The following ROBO1 variants were observed in gnomAD, a reference collection of about 807,000 sequenced individuals.
ROBO1 encodes roundabout homolog 1.
ROBO1 carries 149 observed loss-of-function variants against 195.9 expected under a neutral mutation model. That is an observed-to-expected ratio of 0.76 (90% confidence interval 0.67 to 0.87). ROBO1 has a LOEUF of 0.87. Among genes scored for constraint, ROBO1 ranks in the 40% least tolerant of loss-of-function variants. ROBO1 has a pLI of 0.00. For missense variants in ROBO1, 1,933 were observed against 2,068.3 expected (o/e 0.93, Z 1.27); for synonymous variants, 816 against 733.2 (o/e 1.11, Z -1.82).
chr3:79,082,974 A>G (rs2079302031), intron 3 of ROBO1, among the ~76,000 whole-genome samples: 1 of 152,186 alleles, frequency 6.6e-6, no homozygotes, highest in Non-Finnish European at 1.5e-5. Flanking sequence ...TGAGGCCTTT[A>G]GGAACGCCTT....
chr3:79,161,445 C>T (rs2080964466), intron 2 of ROBO1, among the ~76,000 whole-genome samples: 1 of 151,762 alleles, frequency 6.6e-6, no homozygotes, highest in African/African-American at 2.4e-5. Context: ...AGAAGAAAAC[C>T]AAATAATAGC....
At chr3:79,452,689 G>T (rs2039483831) in intron 2 of ROBO1, among the ~76,000 whole-genome samples, 2 of 151,980 alleles carry the variant, frequency 1.3e-5, no homozygotes, top group South Asian at 2.1e-4. Context: ...TAAGTATGTA[G>T]ATTTTATATA....
intron 1 of ROBO1, among the ~76,000 whole-genome samples, chr3:79,676,821 A>C (rs552171932): frequency 1.6e-3 from 243 of 152,154 alleles, no homozygotes; most frequent in African/African-American, 5.6e-3. Context: ...ACACCAAGGG[A>C]TGAGAATGAG....
At chr3:79,404,279 G>C (rs2037466168) in intron 2 of ROBO1, among the ~76,000 whole-genome samples, 1 of 152,016 alleles carries the variant, frequency 6.6e-6, no homozygotes, top group Non-Finnish European at 1.5e-5. Flanking sequence ...TATTATCAAG[G>C]CATTTACTTT....
chr3:79,762,575 A>G (rs1373064844), intron 1 of ROBO1, among the ~76,000 whole-genome samples: 1 of 149,836 alleles, frequency 6.7e-6, no homozygotes. Flanking sequence ...AAAAAATAAG[A>G]AAGTGAGAAC....
chr3:79,352,862 G>A (rs1329977712), intron 2 of ROBO1, among the ~76,000 whole-genome samples: 3 of 152,126 alleles, frequency 2.0e-5, no homozygotes, highest in Non-Finnish European at 4.4e-5. Flanking sequence ...TCTTACAAAT[G>A]TGACAGATTC....
At chr3:79,742,425 G>C (rs1443040902) in intron 1 of ROBO1, among the ~76,000 whole-genome samples, 2 of 152,174 alleles carry the variant, frequency 1.3e-5, no homozygotes, top group Admixed American at 6.5e-5. Flanking sequence ...CCGCTTCAGA[G>C]GGTGCAAGCT....
intron 3 of ROBO1, among the ~76,000 whole-genome samples, chr3:78,969,190 T>C (rs564450429): frequency 9.9e-5 from 15 of 152,260 alleles, no homozygotes; most frequent in African/African-American, 2.6e-4. Context: ...TGATAAAATA[T>C]ATGGTTTATT....
intron 2 of ROBO1, among the ~76,000 whole-genome samples, chr3:79,360,300 T>A (rs2035717343): frequency 6.6e-6 from 1 of 152,046 alleles, no homozygotes; most frequent in Non-Finnish European, 1.5e-5. Flanking sequence ...GATGATTTTT[T>A]ATAAAGGGAA....
At chr3:79,341,107 T>A (rs914116436) in intron 2 of ROBO1, among the ~76,000 whole-genome samples, 3 of 152,204 alleles carry the variant, frequency 2.0e-5, no homozygotes, top group Non-Finnish European at 4.4e-5. Flanking sequence ...GACGAGGTCA[T>A]AGAAAACCAG....
At chr3:79,357,256 G>A (rs1036224094) in intron 2 of ROBO1, among the ~76,000 whole-genome samples, 1 of 152,026 alleles carries the variant, frequency 6.6e-6, no homozygotes, top group African/African-American at 2.4e-5. Flanking sequence ...AGTTACTTTG[G>A]ATTTACAAAG....
At chr3:79,158,445 T>C (rs535103706) in intron 2 of ROBO1, among the ~76,000 whole-genome samples, 1 of 151,804 alleles carries the variant, frequency 6.6e-6, no homozygotes, top group South Asian at 2.1e-4. Context: ...TATTATGTCA[T>C]ATATTATCAC....
intron 3 of ROBO1, among the ~76,000 whole-genome samples, chr3:79,065,484 A>G (rs763590620): frequency 1.3e-5 from 2 of 151,980 alleles, no homozygotes; most frequent in Non-Finnish European, 2.9e-5. Context: ...CTTCTTGGAA[A>G]AGCGGTGGAG....
intron 3 of ROBO1, chr3:79,018,402 GT>G: frequency 6.2e-7 from 1 of 1,613,870 alleles, no homozygotes; most frequent in Non-Finnish European, 8.5e-7. Flanking sequence ...AAGACGCGGG[GT>G]TACCTGAACA....
intron 2 of ROBO1, among the ~76,000 whole-genome samples, chr3:79,570,931 G>T (rs1943257398): frequency 6.6e-6 from 1 of 152,118 alleles, no homozygotes; most frequent in South Asian, 2.1e-4. Flanking sequence ...GAGTGATCAT[G>T]TTAGCAACAT....
chr3:78,801,927 T>C (rs960148902), intron 4 of ROBO1, among the ~76,000 whole-genome samples: 3 of 152,122 alleles, frequency 2.0e-5, no homozygotes, highest in African/African-American at 7.2e-5. Context: ...GTTGTCCCTG[T>C]AGTAATCAAT....
rs574781414 is a variant in ROBO1, at chr3:79,083,679, C to T, written c.172+41777G>A. ...AACCTTAGCCCTTGAATTTCTTCTACGTTGGCCAATCAAGGGCAAAGTAAT... is the reference window on the plus strand; with the variant it reads ...AACCTTAGCCCTTGAATTTCTTCTATGTTGGCCAATCAAGGGCAAAGTAAT... On this transcript the variant is annotated intron_variant, in intron 3 of 30. Coordinates refer to ENST00000464233, the MANE Select transcript of ROBO1 (RefSeq NM_002941.4). Among the ~76,000 whole-genome samples the T allele has an allele frequency of 5.3e-5, 8 of 152,280 alleles. No individual in the cohort carries two copies. The South Asian group carries it at 6.2e-4, about 12-fold the overall frequency.
intron 2 of ROBO1, among the ~76,000 whole-genome samples, chr3:79,272,387 C>G (rs1237609397): frequency 6.6e-6 from 1 of 152,012 alleles, no homozygotes; most frequent in African/African-American, 2.4e-5. Context: ...ACTGACCATC[C>G]TCCTTGCAGA....
chr3:78,659,328 A>G (rs954626812), intron 17 of ROBO1, among the ~76,000 whole-genome samples: 2 of 152,188 alleles, frequency 1.3e-5, no homozygotes, highest in Non-Finnish European at 2.9e-5. Flanking sequence ...GTTTTTAAAA[A>G]TCTTTTGAAA....
Sources: gnomAD v4.1 joint callset for allele counts (sites outside exome capture counted in the v4.1 genomes callset) on GRCh38, gnomAD v4.1.1 for gene constraint, MANE v1.5 for transcripts, NCBI Gene and HGNC (gene_info 2026-07-23, HGNC 2026-07-21) for gene names.